LYST: variants seen among roughly 807,000 people sequenced by gnomAD.
LYST encodes lysosomal-trafficking regulator.
A neutral mutation model predicts 413.6 loss-of-function variants in LYST; 192 were observed. The observed-to-expected ratio is 0.46, with a 90% CI of 0.41 to 0.52. The LOEUF (loss-of-function observed/expected upper bound fraction) is 0.52. LYST is among the 20% of genes least tolerant of loss of function. The probability of loss-of-function intolerance (pLI) is 0.00; values close to 1 mark genes in which losing one functional copy is unlikely to be tolerated. For missense variants in LYST, 3,815 were observed against 4,499.9 expected (o/e 0.85, Z 4.35); for synonymous variants, 1,525 against 1,567.3 (o/e 0.97, Z 0.64).
At chr1:235,744,741 A>T (rs567931424) in intron 29 of LYST, among the ~76,000 whole-genome samples, 17 of 152,074 alleles carry the variant, frequency 1.1e-4, no homozygotes, top group Non-Finnish European at 2.5e-4. Context: ...CTCTACAAAA[A>T]AATACAAAAA....
chr1:235,664,887 G>T lies in LYST; in HGVS notation c.11039-266C>A, dbSNP rs1658304013. Reference sequence around the variant, plus strand: ...TCTTGGCTCACTGTAACTGCCTCCTGAATTCAAGAGATTCTTCTGCCTCAG... The same window carrying T: ...TCTTGGCTCACTGTAACTGCCTCCTTAATTCAAGAGATTCTTCTGCCTCAG... On this transcript the variant is annotated intron_variant, in intron 50 of 52. Coordinates refer to ENST00000389793, the MANE Select transcript of LYST (RefSeq NM_000081.4). The surrounding 1 kb of genome is among the most constrained non-coding windows in gnomAD (Gnocchi z 4.5). 6.6e-6 allele frequency among the ~76,000 whole-genome samples: 1 copy of T among 152,174 alleles called. No homozygotes were observed.
chr1:235,836,060 A>G (rs1433781451), intron 1 of LYST, among the ~76,000 whole-genome samples: 1 of 152,262 alleles, frequency 6.6e-6, no homozygotes, highest in Non-Finnish European at 1.5e-5. Context: ...ATAATCATAT[A>G]AATGACCTCC....
intron 3 of LYST, among the ~76,000 whole-genome samples, chr1:235,822,695 T>C (rs1432746004): frequency 6.6e-6 from 1 of 152,210 alleles, no homozygotes; most frequent in African/African-American, 2.4e-5. Context: ...ACAAATTAAT[T>C]GCAGTTCCTC....
intron 14 of LYST, among the ~76,000 whole-genome samples, chr1:235,783,029 G>C (rs1670027505): frequency 6.6e-6 from 1 of 152,104 alleles, no homozygotes; most frequent in Non-Finnish European, 1.5e-5. Context: ...CACAAAGCAG[G>C]GAGGACTTCA....
At chr1:235,702,159 T>G (rs1231550927) in intron 45 of LYST, among the ~76,000 whole-genome samples, 1 of 152,238 alleles carries the variant, frequency 6.6e-6, no homozygotes, top group Non-Finnish European at 1.5e-5. Flanking sequence ...AACGAAGAAT[T>G]GAGTTGAAGA....
At chr1:235,852,360 CATTTGTGGTAGCTCCAA>C (rs1678641535) in intron 1 of LYST, among the ~76,000 whole-genome samples, 1 of 152,158 alleles carries the variant, frequency 6.6e-6, no homozygotes, top group Non-Finnish European at 1.5e-5. Context: ...ACCTCAAAGC[CATTTGTGGTAGCTCCAA>C]CAATCTGGGG....
At chr1:235,778,122 T>TATATATATATATATATG (rs1558230944) in intron 16 of LYST, among the ~76,000 whole-genome samples, 3 of 144,768 alleles carry the variant, frequency 2.1e-5, no homozygotes, top group Admixed American at 1.4e-4. Flanking sequence ...TATATATATA[T>TATATATATATATATATG]TTTTGTAGAG....
At chr1:235,722,552 C>G (rs753274067) in intron 39 of LYST, among the ~76,000 whole-genome samples, 1 of 152,178 alleles carries the variant, frequency 6.6e-6, no homozygotes, top group Non-Finnish European at 1.5e-5. Flanking sequence ...ATGGCGTGAT[C>G]TTGGCTCGCT....
At chr1:235,846,716 T>C (rs1213660781) in intron 1 of LYST, among the ~76,000 whole-genome samples, 1 of 152,054 alleles carries the variant, frequency 6.6e-6, no homozygotes, top group Non-Finnish European at 1.5e-5. Flanking sequence ...GACACACTTT[T>C]AGAAATGCAA....
intron 20 of LYST, among the ~76,000 whole-genome samples, chr1:235,769,445 T>C (rs1158372584): frequency 6.6e-6 from 1 of 152,036 alleles, no homozygotes; most frequent in Non-Finnish European, 1.5e-5. Context: ...TGAAAAGCCC[T>C]TAGTGCCACC....
Position 235,788,784 on chromosome 1 carries a change from T to C in LYST, c.4605A>G (p.Gly1535=). 2.5e-6 allele frequency: 4 copies of C among 1,613,402 alleles called. No individual in the cohort carries two copies. The South Asian group carries it at 4.4e-5, about 18-fold the overall frequency. The change falls in exon 13 of 53, where the codon GGA becomes GGG. Residue 1535 remains glycine (G), a synonymous_variant. Transcript: ENST00000389793. ...INPGERLIEE[G]CIHIISLGSK... Reference sequence around the variant, plus strand: ...ATCCCAGTGAAATTATATGAATACATCCTTCTTCTATGAGTCTTTCACCAG... The same window carrying C: ...ATCCCAGTGAAATTATATGAATACACCCTTCTTCTATGAGTCTTTCACCAG...
intron 50 of LYST, among the ~76,000 whole-genome samples, chr1:235,672,358 G>A (rs966394049): frequency 3.3e-5 from 5 of 152,134 alleles, no homozygotes; most frequent in African/African-American, 9.7e-5. Flanking sequence ...GTATGCCATC[G>A]TTAAGAAGTA....
rs748540089 is a variant in LYST, at chr1:235,662,923, G to A, written c.*17C>T. 4.3e-6 allele frequency: 6 copies of A among 1,383,596 alleles called. No individual in the cohort carries two copies. Among genetic ancestry groups the A allele is most frequent in the African/African-American group, 4.3e-5 (3 of 70,554 alleles). 85.7% of individuals were successfully genotyped at this position (1,383,596 alleles called of 1,614,324 possible). A position where few individuals can be genotyped will look rare whatever the true frequency, so the allele number is the denominator to read the frequency against. ...TTGGAGTTAAAGTGCTTTGGAGAAC[G>A]TGAAGTTCATTCGCATTCACCCGGC... On this transcript the variant is annotated 3_prime_UTR_variant, in exon 53 of 53. Transcript: ENST00000389793.
chr1:235,707,715 T>G (rs781654623), intron 44 of LYST, among the ~76,000 whole-genome samples: 1 of 152,150 alleles, frequency 6.6e-6, no homozygotes, highest in Non-Finnish European at 1.5e-5. Flanking sequence ...AAAATAACCA[T>G]AGAAATATTA....
rs1348579266 is a variant in LYST at position 235,791,959 on chromosome 1, C to T, written c.4283G>A (p.Arg1428Lys). ...TTTCTTGCTCCGTGAAACTCGTGCTCTTCTCAATAAACCCATGGCCTTACT... is the reference window on the plus strand; with the variant it reads ...TTTCTTGCTCCGTGAAACTCGTGCTTTTCTCAATAAACCCATGGCCTTACT... ...LNSKAMGLLR[R>K]ARVSRSKKEA... The change falls in exon 12 of 53, where the codon AGA becomes AAA. Residue 1428 changes from arginine to lysine, a missense_variant. Transcript: ENST00000389793. The T allele has an allele frequency of 6.2e-7, 1 of 1,614,030 alleles. No individual in the cohort carries two copies.
At chr1:235,830,516 G>A in intron 2 of LYST, 92 bp from the exon 3 acceptor site, 1 of 1,019,692 alleles carries the variant, frequency 9.8e-7, no homozygotes, top group Non-Finnish European at 1.5e-6. Flanking sequence ...GTTTCTAACT[G>A]AAGATTGGCT....
chr1:235,704,551 CTT>C (rs1661812267), intron 44 of LYST, among the ~76,000 whole-genome samples: 2 of 152,174 alleles, frequency 1.3e-5, no homozygotes, highest in Non-Finnish European at 1.5e-5. Flanking sequence ...ACACGTATGT[CTT>C]GTTTTGAAAT....
Position 235,802,980 on chromosome 1 carries a change from G to A in LYST, c.3640C>T (p.Leu1214Phe). 6 of 1,613,400 alleles carry A rather than the reference G, an allele frequency of 3.7e-6. No individual in the cohort carries two copies. The highest frequency in any genetic ancestry group is 5.1e-6 in the Non-Finnish European group (6 of 1,179,672). Residue 1214 changes from leucine (L) to phenylalanine (F), a missense_variant, in exon 8 of 53, where the codon CTT becomes TTT. Leu to Phe is a conservative substitution (Grantham distance 22, BLOSUM62 0). This residue lies in a region of LYST where 1,648 missense variants were observed against 1,810.3 expected (regional missense o/e 0.91). Transcript: ENST00000389793. ...TCGTAACCTTCTTCTTCAACTAAAA[G>A]TTTAAAACTACAACACTGAGAATCC... ...AEDSQCCSFK[L>F]LVEEEGYEAD...
intron 48 of LYST, among the ~76,000 whole-genome samples, chr1:235,681,435 A>G (rs1409215695): frequency 2.6e-5 from 4 of 152,268 alleles, no homozygotes; most frequent in South Asian, 4.1e-4. Flanking sequence ...CCGAAGCAAT[A>G]AAGGGTCACT....
Sources: allele counts gnomAD v4.1 joint callset (sites outside exome capture counted in the v4.1 genomes callset), GRCh38; gene constraint gnomAD v4.1.1; regional missense constraint gnomAD v4.1.1; non-coding constraint Gnocchi (gnomAD v3.1); transcripts MANE v1.5; gene names NCBI Gene and HGNC (gene_info 2026-07-23, HGNC 2026-07-21).